The following NELL1 variants were observed in gnomAD, a reference collection of about 807,000 sequenced individuals.
NELL1 encodes the protein neural EGFL like 1, also known as protein kinase C-binding protein NELL1.
A neutral mutation model predicts 107.4 loss-of-function variants in NELL1; 76 were observed. That is an observed-to-expected ratio of 0.71 (90% CI 0.59 to 0.86). The LOEUF is 0.86. NELL1 is among the 40% of genes least tolerant of loss of function. The probability of loss-of-function intolerance (pLI) is 0.00; values close to 1 mark genes in which losing one functional copy is unlikely to be tolerated. For synonymous variants in NELL1, 353 were observed against 341.2 expected, an observed-to-expected ratio of 1.03 and a Z score of -0.38; for missense variants, 1,024 against 1,005.5, an observed-to-expected ratio of 1.02 and a Z score of -0.25.
At chr11:20,671,567 C>A (rs1448102564) in intron 1 of NELL1, among the ~76,000 whole-genome samples, 1 of 152,194 alleles carries the variant, frequency 6.6e-6, no homozygotes, top group African/African-American at 2.4e-5. Context: ...TTCCCTCTTT[C>A]CACTTCCAAT....
At chr11:21,370,629 T>A (rs910501846) in intron 14 of NELL1, among the ~76,000 whole-genome samples, 1 of 152,110 alleles carries the variant, frequency 6.6e-6, no homozygotes, top group African/African-American at 2.4e-5. Context: ...ATGCCAGCCC[T>A]ATGCTAAACA....
chr11:21,108,874 T>C (rs2133720186), intron 12 of NELL1, among the ~76,000 whole-genome samples: 1 of 152,264 alleles, frequency 6.6e-6, no homozygotes, highest in East Asian at 1.9e-4. Context: ...TGCACACGGA[T>C]ATAGAATTTG....
At chr11:21,342,779 T>A (rs1590854688) in intron 14 of NELL1, among the ~76,000 whole-genome samples, 1 of 151,704 alleles carries the variant, frequency 6.6e-6, no homozygotes, top group East Asian at 1.9e-4. Context: ...TTGTGTCTGG[T>A]GCCAAACAAA....
At chr11:20,769,931 C>T (rs972907920) in intron 2 of NELL1, among the ~76,000 whole-genome samples, 1 of 152,074 alleles carries the variant, frequency 6.6e-6, no homozygotes, top group African/African-American at 2.4e-5. Flanking sequence ...AGATGATACC[C>T]AAGTAGAAAA....
At chr11:20,871,843 C>T (rs1178939269) in intron 4 of NELL1, among the ~76,000 whole-genome samples, 2 of 151,500 alleles carry the variant, frequency 1.3e-5, no homozygotes, top group Admixed American at 1.3e-4. Flanking sequence ...CATGGTGAAA[C>T]CCCGTCTCTA....
intron 14 of NELL1, among the ~76,000 whole-genome samples, chr11:21,339,157 G>A (rs1018791566): frequency 2.0e-5 from 3 of 152,140 alleles, no homozygotes; most frequent in Non-Finnish European, 4.4e-5. Context: ...ATGTGGAATA[G>A]GGATGTAACT....
At chr11:21,079,793 C>T (rs912956172) in intron 12 of NELL1, among the ~76,000 whole-genome samples, 2 of 151,938 alleles carry the variant, frequency 1.3e-5, no homozygotes, top group African/African-American at 2.4e-5. Flanking sequence ...ATAGCACTGC[C>T]TAGAACAGAA....
intron 3 of NELL1, among the ~76,000 whole-genome samples, chr11:20,825,651 A>G (rs112326332): frequency 2.6e-5 from 4 of 151,292 alleles, no homozygotes; most frequent in Non-Finnish European, 4.4e-5. Flanking sequence ...CTGTACCTCC[A>G]TTGTATCTAG....
At chr11:21,446,576 C>T (rs1590938833) in intron 15 of NELL1, among the ~76,000 whole-genome samples, 1 of 152,274 alleles carries the variant, frequency 6.6e-6, no homozygotes, top group Non-Finnish European at 1.5e-5. Flanking sequence ...CACCCCAAGT[C>T]CAGTAATGCT....
intron 14 of NELL1, among the ~76,000 whole-genome samples, chr11:21,285,473 C>G (rs916685709): frequency 6.6e-6 from 1 of 152,200 alleles, no homozygotes; most frequent in Non-Finnish European, 1.5e-5. Flanking sequence ...TACAGCAGAG[C>G]TGACATAGAA....
intron 15 of NELL1, among the ~76,000 whole-genome samples, chr11:21,507,122 GTCAGAATTCAAAC>G (rs1273550612): frequency 6.6e-6 from 1 of 152,176 alleles, no homozygotes; most frequent in Non-Finnish European, 1.5e-5. Context: ...AAGAAGGAAT[GTCAGAATTCAAAC>G]TCAAGACTGC....
intron 15 of NELL1, among the ~76,000 whole-genome samples, chr11:21,431,335 A>G (rs956753024): frequency 1.3e-5 from 2 of 152,092 alleles, no homozygotes; most frequent in African/African-American, 2.4e-5. Flanking sequence ...AAAGTTCTAT[A>G]TCATCTATTT....
chr11:21,337,840 T>C lies in NELL1; in HGVS notation c.1550-33013T>C, dbSNP rs61885491. The stretch of plus-strand genomic sequence containing the variant: ...TCCTTCTTTCTTTCTTTCTTTCTTT[T>C]CTTTCTTTCTTTCTTTCTTTCTTTC... On this transcript the variant is annotated intron_variant, in intron 14 of 19. Coordinates refer to ENST00000357134, the MANE Select transcript of NELL1 (RefSeq NM_006157.5). Among the ~76,000 whole-genome samples the C allele has an allele frequency of 2.5e-3, 270 of 109,878 alleles. 4 individuals carry two copies. The highest frequency in any genetic ancestry group is 2.9e-3 in the African/African-American group (76 of 26,448). 72.1% of individuals were successfully genotyped at this position (109,878 alleles called of 152,430 possible).
chr11:21,564,655 T>TAAA (rs1856928627), intron 17 of NELL1, among the ~76,000 whole-genome samples: 1 of 151,874 alleles, frequency 6.6e-6, no homozygotes, highest in African/African-American at 2.4e-5. Context: ...GAAAACAAAG[T>TAAA]AATACTAAAG....
chr11:21,265,568 T>A (rs1848619065), intron 14 of NELL1, among the ~76,000 whole-genome samples: 1 of 151,946 alleles, frequency 6.6e-6, no homozygotes, highest in Non-Finnish European at 1.5e-5. Flanking sequence ...ATTGATTCTT[T>A]TTAGAAAAAA....
At chr11:21,129,204 A>G (rs781122067) in intron 13 of NELL1, among the ~76,000 whole-genome samples, 5 of 152,088 alleles carry the variant, frequency 3.3e-5, no homozygotes, top group African/African-American at 4.8e-5. Context: ...GAATCTAATA[A>G]TGGTCTAAAT....
intron 12 of NELL1, among the ~76,000 whole-genome samples, chr11:21,065,216 G>A (rs1338802298): frequency 1.3e-5 from 2 of 152,040 alleles, no homozygotes; most frequent in African/African-American, 4.8e-5. Context: ...AAGCTGTGTT[G>A]TCTGAGAGGG....
intron 15 of NELL1, among the ~76,000 whole-genome samples, chr11:21,502,359 G>A (rs553210210): frequency 7.2e-5 from 11 of 152,216 alleles, no homozygotes; most frequent in South Asian, 2.1e-4. Context: ...TCCAAAACCC[G>A]TGATCTTTTC....
intron 15 of NELL1, among the ~76,000 whole-genome samples, chr11:21,520,705 G>A (rs749430226): frequency 1.3e-5 from 2 of 152,118 alleles, no homozygotes; most frequent in Admixed American, 6.6e-5. Context: ...AGTGTCTAAA[G>A]GTGCATCAGC....
Sources: gnomAD v4.1 joint callset for allele counts (sites outside exome capture counted in the v4.1 genomes callset) on GRCh38, gnomAD v4.1.1 for gene constraint, MANE v1.5 for transcripts, NCBI Gene and HGNC (gene_info 2026-07-23, HGNC 2026-07-21) for gene names.